Variants in LRRC4C observed in about 807,000 individuals in gnomAD.
LRRC4C encodes leucine-rich repeat-containing protein 4C.
A neutral mutation model predicts 33.6 loss-of-function variants in LRRC4C; 5 were observed. The observed-to-expected ratio is 0.15, with a 90% CI of 0.08 to 0.31. LRRC4C has a LOEUF of 0.31. Among genes scored for constraint, LRRC4C ranks in the 10% least tolerant of loss-of-function variants. The pLI, the probability that LRRC4C is intolerant of heterozygous loss-of-function variation, is 1.00. For synonymous variants in LRRC4C, 329 were observed against 302.0 expected, an observed-to-expected ratio of 1.09 and a Z score of -0.93; for missense variants, 560 against 796.7, an observed-to-expected ratio of 0.70 and a Z score of 3.58.
At chr11:41,087,207 A>AT (rs1408573996) in intron 1 of LRRC4C, among the ~76,000 whole-genome samples, 2 of 151,922 alleles carry the variant, frequency 1.3e-5, no homozygotes, top group Admixed American at 1.3e-4. Flanking sequence ...TCGTTTTTCC[A>AT]TTTTTCCCCA....
chr11:40,831,389 TC>T (rs764036550), intron 2 of LRRC4C, among the ~76,000 whole-genome samples: 40 of 152,038 alleles, frequency 2.6e-4, no homozygotes, highest in Non-Finnish European at 5.7e-4. Context: ...CTCAATACTC[TC>T]CAAGCAGACA....
intron 1 of LRRC4C, among the ~76,000 whole-genome samples, chr11:41,413,402 A>C (rs534584556): frequency 6.6e-6 from 1 of 152,302 alleles, no homozygotes; most frequent in South Asian, 2.1e-4. Flanking sequence ...TGGAATGAAA[A>C]GTGGTTGGAA....
chr11:40,230,735 A>T (rs1484567462), intron 5 of LRRC4C, among the ~76,000 whole-genome samples: 1 of 152,230 alleles, frequency 6.6e-6, no homozygotes, highest in Non-Finnish European at 1.5e-5. Flanking sequence ...AATCATTCGC[A>T]TGTCATCAGC....
At chr11:41,346,672 C>T (rs139142909) in intron 1 of LRRC4C, among the ~76,000 whole-genome samples, 1 of 152,294 alleles carries the variant, frequency 6.6e-6, no homozygotes, top group African/African-American at 2.4e-5. Flanking sequence ...ATGCACTCCC[C>T]TATTAGAATT....
chr11:40,552,298 G>C (rs1957155332), intron 3 of LRRC4C, among the ~76,000 whole-genome samples: 1 of 152,202 alleles, frequency 6.6e-6, no homozygotes, highest in South Asian at 2.1e-4. Context: ...ATGAAATAGA[G>C]AGGTTAAGGA....
chr11:40,741,286 A>G (rs992207297), intron 2 of LRRC4C, among the ~76,000 whole-genome samples: 3 of 152,074 alleles, frequency 2.0e-5, no homozygotes, highest in Non-Finnish European at 4.4e-5. Flanking sequence ...AAAACCATTA[A>G]TTATGCCACT....
chr11:41,059,275 AAACAAC>A (rs139502591), intron 1 of LRRC4C, among the ~76,000 whole-genome samples: 2 of 139,948 alleles, frequency 1.4e-5, no homozygotes, highest in South Asian at 2.3e-4. Flanking sequence ...GATGACAAAT[AAACAAC>A]AACAACAACA....
intron 3 of LRRC4C, among the ~76,000 whole-genome samples, chr11:40,348,155 A>G (rs1254321980): frequency 2.0e-5 from 3 of 152,126 alleles, no homozygotes; most frequent in Non-Finnish European, 4.4e-5. Flanking sequence ...ATAATAATAG[A>G]GTTTGAAATA....
At chr11:40,713,984 T>C (rs1946590368) in intron 2 of LRRC4C, among the ~76,000 whole-genome samples, 1 of 152,204 alleles carries the variant, frequency 6.6e-6, no homozygotes, top group Admixed American at 6.5e-5. Flanking sequence ...CAATACACAT[T>C]GAAGCTTTCA....
chr11:40,876,091 C>T (rs955718471), intron 2 of LRRC4C, among the ~76,000 whole-genome samples: 4 of 151,958 alleles, frequency 2.6e-5, no homozygotes, highest in African/African-American at 4.8e-5. Context: ...CAGGATATTT[C>T]GTCTTGATTT....
intron 6 of LRRC4C, among the ~76,000 whole-genome samples, chr11:40,132,829 A>G (rs1203901490): frequency 3.9e-5 from 6 of 152,316 alleles, no homozygotes. Context: ...CGGGATGCAC[A>G]ATAGGCTGAT....
At chr11:40,994,619 C>T (rs1372129360) in intron 1 of LRRC4C, among the ~76,000 whole-genome samples, 1 of 152,118 alleles carries the variant, frequency 6.6e-6, no homozygotes, top group African/African-American at 2.4e-5. Flanking sequence ...TTTCCCTAAA[C>T]TGCATCTCTC....
At chr11:40,822,893 T>A (rs1352351060) in intron 2 of LRRC4C, among the ~76,000 whole-genome samples, 1 of 151,636 alleles carries the variant, frequency 6.6e-6, no homozygotes, top group Non-Finnish European at 1.5e-5. Context: ...TGTATATAGA[T>A]CTATCCAGTT....
intron 1 of LRRC4C, among the ~76,000 whole-genome samples, chr11:41,060,472 C>T (rs1216445019): frequency 2.0e-5 from 3 of 152,148 alleles, no homozygotes; most frequent in Non-Finnish European, 4.4e-5. Context: ...TACCCTCTTC[C>T]TGGCTTGCAG....
At chr11:40,885,484 G>A (rs1311612321) in intron 2 of LRRC4C, among the ~76,000 whole-genome samples, 1 of 151,974 alleles carries the variant, frequency 6.6e-6, no homozygotes, top group African/African-American at 2.4e-5. Flanking sequence ...GTTGAGACAT[G>A]TTTAAAAGAT....
chr11:41,167,805 T>A (rs545631482), intron 1 of LRRC4C, among the ~76,000 whole-genome samples: 1 of 152,318 alleles, frequency 6.6e-6, no homozygotes, highest in Admixed American at 6.5e-5. Context: ...GCAATGAATT[T>A]GCATAATGAA....
chr11:41,455,936 AT>A (rs1264566529), intron 1 of LRRC4C, among the ~76,000 whole-genome samples: 3 of 152,080 alleles, frequency 2.0e-5, no homozygotes, highest in African/African-American at 7.2e-5. Context: ...TCCCCATTTT[AT>A]CTGTGACTGC....
intron 2 of LRRC4C, among the ~76,000 whole-genome samples, chr11:40,682,080 C>G (rs934031255): frequency 2.6e-5 from 4 of 151,868 alleles, no homozygotes; most frequent in Non-Finnish European, 4.4e-5. Flanking sequence ...CACCTGCACC[C>G]CAATTACTTA....
chr11:41,051,563 A>C (rs1261049055), intron 1 of LRRC4C, among the ~76,000 whole-genome samples: 3 of 142,922 alleles, frequency 2.1e-5, no homozygotes, highest in South Asian at 2.2e-4. Context: ...AGGAAAAATT[A>C]GTTATATTCT....
Sources: gnomAD v4.1 joint callset for allele counts (sites outside exome capture counted in the v4.1 genomes callset) on GRCh38, gnomAD v4.1.1 for gene constraint, MANE v1.5 for transcripts, NCBI Gene and HGNC (gene_info 2026-07-23, HGNC 2026-07-21) for gene names.